NCKAP5: variants seen among roughly 807,000 people sequenced by gnomAD.
NCKAP5 encodes nck-associated protein 5.
Under a neutral mutation model 167.0 loss-of-function variants are expected in NCKAP5, and 92 were observed. The ratio of observed to expected loss-of-function variants is 0.55; its 90% CI spans 0.47 to 0.66. The LOEUF (loss-of-function observed/expected upper bound fraction) is 0.66, where lower values mean the gene tolerates loss of function less well. Among genes scored for constraint, NCKAP5 ranks in the 30% least tolerant of loss-of-function variants. NCKAP5 has a pLI of 0.00. For missense variants in NCKAP5, 2,378 were observed against 2,315.0 expected, an observed-to-expected ratio of 1.03 and a Z score of -0.56; for synonymous variants, 891 against 877.4, an observed-to-expected ratio of 1.02 and a Z score of -0.27.
chr2:133,598,455 T>G, the NCKAP5 span, among the ~76,000 whole-genome samples: 1 of 152,174 alleles, frequency 6.6e-6, no homozygotes, highest in African/African-American at 2.4e-5. Context: ...ATCCTTTTAT[T>G]CTCCTCTAAT....
intron 7 of NCKAP5, among the ~76,000 whole-genome samples, chr2:132,964,889 G>GA (rs925681087): frequency 9.6e-5 from 14 of 145,916 alleles, no homozygotes; most frequent in East Asian, 2.0e-4. Flanking sequence ...AACATAAGAA[G>GA]AAAAAAAAAA....
chr2:133,250,574 C>G (rs573049182), intron 4 of NCKAP5, among the ~76,000 whole-genome samples: 4 of 152,242 alleles, frequency 2.6e-5, no homozygotes, highest in Non-Finnish European at 2.9e-5. Context: ...GTTCTCACTG[C>G]CTGCTATTTT....
At chr2:133,365,055 T>C (rs1228359506) in intron 3 of NCKAP5, among the ~76,000 whole-genome samples, 3 of 152,130 alleles carry the variant, frequency 2.0e-5, no homozygotes, top group Non-Finnish European at 4.4e-5. Context: ...CTGGCCTTTA[T>C]AATTTGTTTT....
In NCKAP5 at chr2:133,108,648, A is replaced by T. The variant is rs577775609; in HGVS notation, c.341+21330T>A. Among the ~76,000 whole-genome samples the T allele has an allele frequency of 2.6e-4, 40 of 152,342 alleles. 1 individual carries two copies. In the South Asian group the frequency reaches 7.9e-3, roughly 30 times the overall value. On this transcript the variant is annotated intron_variant, in intron 6 of 19. Transcript: ENST00000409261. ...TATAATGGCTCTCCAGAACGTATTC[A>T]TCCTTCATGAGTGAAACTTCGTACC...
At chr2:133,161,571 C>T (rs887694729) in intron 5 of NCKAP5, among the ~76,000 whole-genome samples, 7 of 152,140 alleles carry the variant, frequency 4.6e-5, no homozygotes, top group African/African-American at 1.7e-4. Context: ...GTCAGCCTTC[C>T]AGCCAAAACC....
intron 6 of NCKAP5, among the ~76,000 whole-genome samples, chr2:133,078,199 A>T (rs1471981164): frequency 6.6e-6 from 1 of 152,182 alleles, no homozygotes; most frequent in Admixed American, 6.5e-5. Flanking sequence ...TTCTTAGGAA[A>T]TGTGATCAGT....
intron 11 of NCKAP5, among the ~76,000 whole-genome samples, chr2:132,831,069 G>A (rs1009604722): frequency 1.3e-5 from 2 of 152,072 alleles, no homozygotes; most frequent in Non-Finnish European, 2.9e-5. Context: ...ACATTGTTCC[G>A]CAACTTCTTT....
At chr2:132,921,558 C>T (rs1695433000) in intron 8 of NCKAP5, among the ~76,000 whole-genome samples, 1 of 152,132 alleles carries the variant, frequency 6.6e-6, no homozygotes, top group South Asian at 2.1e-4. Context: ...TGCTATTGGG[C>T]ATGCACAGGA....
chr2:133,470,900 C>A (rs557918411), intron 3 of NCKAP5, among the ~76,000 whole-genome samples: 1 of 152,362 alleles, frequency 6.6e-6, no homozygotes, highest in South Asian at 2.1e-4. Context: ...CACTGACCTG[C>A]GCCCACTGTC....
intron 8 of NCKAP5, among the ~76,000 whole-genome samples, chr2:132,935,298 G>A (rs904879602): frequency 6.6e-6 from 1 of 152,174 alleles, no homozygotes; most frequent in Non-Finnish European, 1.5e-5. Context: ...TACACAGAAA[G>A]ATGGAGCCTG....
At chr2:133,581,855 T>C in the NCKAP5 span, among the ~76,000 whole-genome samples, 1 of 152,242 alleles carries the variant, frequency 6.6e-6, no homozygotes, top group Non-Finnish European at 1.5e-5. Context: ...CAGGGGCCAT[T>C]TCTAACGTTA....
chr2:133,610,507 C>A, the NCKAP5 span, among the ~76,000 whole-genome samples: 1 of 152,156 alleles, frequency 6.6e-6, no homozygotes, highest in Admixed American at 6.5e-5. Context: ...TGGAACATAA[C>A]AATTAGTAGC....
At chr2:133,034,586 T>C (rs905293016) in intron 6 of NCKAP5, among the ~76,000 whole-genome samples, 5 of 152,056 alleles carry the variant, frequency 3.3e-5, no homozygotes, top group African/African-American at 4.8e-5. Context: ...TACAATAAGA[T>C]GTAAATAGAA....
chr2:133,143,565 T>C (rs1201631697), intron 5 of NCKAP5, among the ~76,000 whole-genome samples: 1 of 152,122 alleles, frequency 6.6e-6, no homozygotes, highest in Non-Finnish European at 1.5e-5. Context: ...CTACTGATGA[T>C]ACGTAAGACA....
intron 1 of NCKAP5, among the ~76,000 whole-genome samples, chr2:133,567,714 G>A (rs78060872): frequency 0.31 from 45,731 of 147,198 alleles, 7,497 homozygotes; most frequent in South Asian, 0.4. Flanking sequence ...GGGAGAGAGT[G>A]TAGGTAGGAG....
At chr2:132,999,885 AAG>A (rs546107976) in intron 6 of NCKAP5, among the ~76,000 whole-genome samples, 225 of 152,322 alleles carry the variant, frequency 1.5e-3, no homozygotes, top group African/African-American at 5.1e-3. Flanking sequence ...AGAAATAAAA[AAG>A]AACAGAAAAC....
chr2:132,975,217 T>C (rs1014182439), intron 7 of NCKAP5, among the ~76,000 whole-genome samples: 1 of 152,226 alleles, frequency 6.6e-6, no homozygotes, highest in Non-Finnish European at 1.5e-5. Context: ...ATAAAACTCT[T>C]CTTTTTCATC....
intron 2 of NCKAP5, among the ~76,000 whole-genome samples, chr2:133,542,243 T>A (rs1686286051): frequency 6.6e-6 from 1 of 152,206 alleles, no homozygotes; most frequent in Admixed American, 6.5e-5. Context: ...GCATACTCCA[T>A]AATTCTCCAC....
At chr2:132,831,500 A>G (rs553101055) in intron 11 of NCKAP5, among the ~76,000 whole-genome samples, 47 of 152,200 alleles carry the variant, frequency 3.1e-4, no homozygotes, top group African/African-American at 1.1e-3. Flanking sequence ...GTTCATTGCA[A>G]CTGTACTTGA....
Sources: gnomAD v4.1 joint callset for allele counts (sites outside exome capture counted in the v4.1 genomes callset) on GRCh38, gnomAD v4.1.1 for gene constraint, MANE v1.5 for transcripts, NCBI Gene and HGNC (gene_info 2026-07-23, HGNC 2026-07-21) for gene names.